BLCAP: variants seen among roughly 807,000 people sequenced by gnomAD.
BLCAP encodes BLCAP apoptosis inducing factor.
BLCAP carries 1 observed loss-of-function variant against 5.7 expected under a neutral mutation model. That is an observed-to-expected ratio of 0.18 (90% CI 0.06 to 0.83). BLCAP has a LOEUF of 0.83. Ranked by LOEUF, BLCAP falls within the 40% of genes least tolerant of loss-of-function variation. The probability of loss-of-function intolerance (pLI) is 0.71; values close to 1 mark genes in which losing one functional copy is unlikely to be tolerated. For missense variants in BLCAP, 66 were observed against 107.6 expected (o/e 0.61, Z 1.71); for synonymous variants, 48 against 49.4 (o/e 0.97, Z 0.11).
intron 1 of BLCAP, among the ~76,000 whole-genome samples, chr20:37,525,277 C>G (rs2071699519): frequency 6.6e-6 from 1 of 152,214 alleles, no homozygotes; most frequent in Non-Finnish European, 1.5e-5. Flanking sequence ...CCCCACTGCC[C>G]TTCTTGATGC....
intron 1 of BLCAP, among the ~76,000 whole-genome samples, 152 bp from the exon 2 acceptor site, chr20:37,519,502 A>G (rs2071498663): frequency 6.6e-6 from 1 of 151,396 alleles, no homozygotes; most frequent in South Asian, 2.1e-4. Flanking sequence ...CAAATGTGAA[A>G]TGCCCTTTCC....
intron 1 of BLCAP, among the ~76,000 whole-genome samples, chr20:37,525,010 C>T (rs575944149): frequency 1.3e-5 from 2 of 152,318 alleles, no homozygotes; most frequent in Admixed American, 6.5e-5. Context: ...CAATCTGAGA[C>T]TTCATCTTTC....
intron 1 of BLCAP, among the ~76,000 whole-genome samples, chr20:37,525,569 C>T (rs529644004): frequency 4.1e-4 from 62 of 152,330 alleles, no homozygotes; most frequent in Non-Finnish European, 8.2e-4. Flanking sequence ...TGTGCAATGT[C>T]CACTCCCCAT....
chr20:37,526,092 A>G (rs758220680), intron 1 of BLCAP, among the ~76,000 whole-genome samples: 2 of 152,128 alleles, frequency 1.3e-5, no homozygotes, highest in Non-Finnish European at 2.9e-5. Flanking sequence ...ATTGTCACTG[A>G]AGGAAGGGAT....
chr20:37,525,072 CCT>C (rs998831821), intron 1 of BLCAP, among the ~76,000 whole-genome samples: 5 of 152,186 alleles, frequency 3.3e-5, no homozygotes, highest in African/African-American at 9.6e-5. Flanking sequence ...AGGCAGGTCT[CCT>C]CTCGCCCCAG....
In BLCAP at chr20:37,521,157, C is replaced by T. The variant is rs946572925; in HGVS notation, c.-176-1807G>A. On this transcript the variant is annotated intron_variant, in intron 1 of 1. Transcript: ENST00000373537. This position sits in a 1 kb window ranked among gnomAD's most constrained non-coding sequence, Gnocchi z 4.5. ...CCTCTCCTGGCGAATGAGGAGCGCC[C>T]CCAGCCACCCCTCCTCATAAACACC... 8 of 681,526 alleles carry T rather than the reference C, an allele frequency of 1.2e-5. No individual in the cohort carries two copies. The highest frequency in any genetic ancestry group is 2.1e-5 in the Non-Finnish European group (8 of 381,012). 42.2% of individuals were successfully genotyped at this position (681,526 alleles called of 1,614,324 possible).
At chr20:37,522,598 G>GGGGGGGGGGGGGGGGGGCCC in intron 1 of BLCAP, 1 of 864,386 alleles carries the variant, frequency 1.2e-6, no homozygotes, top group Non-Finnish European at 1.7e-6. Flanking sequence ...GCGGGGGTGG[G>GGGGGGGGGGGGGGGGGGCCC]CACGGCAGCA....
chr20:37,521,221 A>T lies in BLCAP; in HGVS notation c.-176-1871T>A. 2 of 1,106,064 alleles carry T rather than the reference A, an allele frequency of 1.8e-6. No individual in the cohort carries two copies. Among genetic ancestry groups the T allele is most frequent in the Non-Finnish European group, 2.7e-6 (2 of 727,990 alleles). The allele number at this position is 1,106,064 out of a possible 1,614,324, so 68.5% of individuals were successfully genotyped here. On this transcript the variant is annotated intron_variant, in intron 1 of 1. Transcript: ENST00000373537. This position sits in a 1 kb window ranked among gnomAD's most constrained non-coding sequence, Gnocchi z 4.5. ...ATGCGCACTTAGGTGGCGGGCGGGT[A>T]CTTAAGGCGCGGCCACCGCGGCTGC...
Position 37,519,295 on chromosome 20 carries a change from G to C in BLCAP, c.-121C>G. The C allele has an allele frequency of 8.2e-7, 1 of 1,225,630 alleles. No individual in the cohort carries two copies. Among genetic ancestry groups the C allele is most frequent in the Non-Finnish European group, 1.1e-6 (1 of 896,810 alleles). 75.9% of individuals were successfully genotyped at this position (1,225,630 alleles called of 1,614,324 possible). ...TTTCTTCAACCCTCACTCTCCAGGA[G>C]CTGAGCCGCTGTGCTCTCTGGCTGT... On this transcript the variant is annotated 5_prime_UTR_variant, in exon 2 of 2. Coordinates refer to ENST00000373537, the MANE Select transcript of BLCAP (RefSeq NM_006698.4).
chr20:37,523,572 C>T (rs938376456), intron 1 of BLCAP: 3 of 152,684 alleles, frequency 2.0e-5, no homozygotes, highest in Admixed American at 2.0e-4. Context: ...GTTGTGTCTC[C>T]CCAGCTAGAT....
intron 1 of BLCAP, chr20:37,523,729 A>G (rs1194089654): frequency 6.6e-6 from 1 of 152,422 alleles, no homozygotes; most frequent in African/African-American, 2.4e-5. Flanking sequence ...ATCAACATAC[A>G]CTTCTAAGAC....
chr20:37,521,798 GC>G lies in BLCAP; in HGVS notation c.-176-2449del, dbSNP rs2071585327. The G allele has an allele frequency of 5.8e-6, 1 of 173,640 alleles. No individual in the cohort carries two copies. Among genetic ancestry groups the G allele is most frequent in the Admixed American group, 6.3e-5 (1 of 15,990 alleles). 10.8% of individuals were successfully genotyped at this position (173,640 alleles called of 1,614,324 possible). A position where few individuals can be genotyped will look rare whatever the true frequency, so the allele number is the denominator to read the frequency against. ...TGAAAATTTTCCACCTTAAAAAATT[GC>G]GCATTGCGGAGAAATTTTATTTAAA... On this transcript the variant is annotated intron_variant, in intron 1 of 1. Coordinates refer to ENST00000373537, the MANE Select transcript of BLCAP (RefSeq NM_006698.4). This position sits in a 1 kb window ranked among gnomAD's most constrained non-coding sequence, Gnocchi z 4.5.
chr20:37,522,211 A>T (rs1232772839), intron 1 of BLCAP: 1 of 409,908 alleles, frequency 2.4e-6, no homozygotes, highest in Admixed American at 4.4e-5. Flanking sequence ...AAAAAATAAA[A>T]AAGAGGCAAA....
chr20:37,527,248 G>C (rs1188184848), intron 1 of BLCAP, among the ~76,000 whole-genome samples: 2 of 152,138 alleles, frequency 1.3e-5, no homozygotes, highest in Non-Finnish European at 2.9e-5. Flanking sequence ...ATGTAAAGTT[G>C]GAGGGAGTAA....
At position 37,521,034 on chromosome 20, in the gene BLCAP, A is replaced by C. The variant is rs2071549484; in HGVS notation, c.-176-1684T>G. Among the ~76,000 whole-genome samples, 1 of 152,146 alleles carries C rather than the reference A, an allele frequency of 6.6e-6. No individual in the cohort carries two copies. Among genetic ancestry groups the C allele is most frequent in the African/African-American group, 2.4e-5 (1 of 41,418 alleles). On this transcript the variant is annotated intron_variant, in intron 1 of 1. Transcript: ENST00000373537. The surrounding 1 kb of genome is among the most constrained non-coding windows in gnomAD (Gnocchi z 4.5). The stretch of plus-strand genomic sequence containing the variant: ...GTGGTACCCCTCCATTTTAAAGCAA[A>C]ATCCAAAAGCAAGCACGGCGGAATC...
Position 37,518,259 on chromosome 20 carries a change from C to A in BLCAP, c.*652G>T, listed in dbSNP as rs1176258122. The A allele has an allele frequency of 6.6e-6, 1 of 152,236 alleles. No individual in the cohort carries two copies. The highest frequency in any genetic ancestry group is 1.9e-4 in the East Asian group (1 of 5,194). The allele number at this position is 152,236 out of a possible 1,614,324, so 9.4% of individuals were successfully genotyped here. A position where few individuals can be genotyped will look rare whatever the true frequency, so the allele number is the denominator to read the frequency against. ...GTGAAAGAGCAACATCTATCTGTTG[C>A]TTCCTTTCTTAAAAATGAAGTGGAG... is the stretch of plus-strand genomic sequence containing the variant. On this transcript the variant is annotated 3_prime_UTR_variant, in exon 2 of 2. Coordinates refer to ENST00000373537, the MANE Select transcript of BLCAP (RefSeq NM_006698.4).
chr20:37,527,360 TC>T (rs1315502205), intron 1 of BLCAP, among the ~76,000 whole-genome samples: 2 of 42,852 alleles, frequency 4.7e-5, no homozygotes, highest in South Asian at 1.1e-3. Flanking sequence ...TCCCCCCACC[TC>T]CCCCCCAAAA....
At chr20:37,520,228 A>T (rs1047396016) in intron 1 of BLCAP, 4 of 152,268 alleles carry the variant, frequency 2.6e-5, no homozygotes, top group African/African-American at 9.6e-5. Context: ...CGCGGGGACC[A>T]CACTCACAAA....
intron 1 of BLCAP, among the ~76,000 whole-genome samples, chr20:37,525,042 G>T (rs1005758296): frequency 6.6e-6 from 1 of 152,190 alleles, no homozygotes; most frequent in Admixed American, 6.5e-5. Flanking sequence ...GGCTATAGCT[G>T]CTACCATAGC....
Sources: allele counts gnomAD v4.1 joint callset (sites outside exome capture counted in the v4.1 genomes callset), GRCh38; gene constraint gnomAD v4.1.1; non-coding constraint Gnocchi (gnomAD v3.1); transcripts MANE v1.5; gene names NCBI Gene and HGNC (gene_info 2026-07-23, HGNC 2026-07-21).